The following TADA2A variants were observed in gnomAD, a reference collection of about 807,000 sequenced individuals.
TADA2A encodes transcriptional adapter 2-alpha.
TADA2A carries 38 observed loss-of-function variants against 67.4 expected under a neutral mutation model. The ratio of observed to expected loss-of-function variants is 0.56; its 90% CI spans 0.44 to 0.74. The LOEUF is 0.74. Ranked by LOEUF, TADA2A falls within the 30% of genes least tolerant of loss-of-function variation. The pLI, the probability that TADA2A is intolerant of heterozygous loss-of-function variation, is 0.00. For synonymous variants in TADA2A, 192 were observed against 181.6 expected (o/e 1.06, Z -0.46); for missense variants, 454 against 547.0 (o/e 0.83, Z 1.70).
rs1242194546 is a variant in TADA2A, at chr17:37,471,153, G to A, written c.1072+16G>A. 6.2e-7 allele frequency: 1 copy of A among 1,613,310 alleles called. No individual in the cohort carries two copies. Among genetic ancestry groups the A allele is most frequent in the Non-Finnish European group, 8.5e-7 (1 of 1,179,558 alleles). ...TCGAATTCAGGTAATTATTTCTCAG[G>A]CCAGAACAAGTCTTAATTGTGAAGT... On this transcript the variant is annotated intron_variant, in intron 14 of 15. Transcript: ENST00000615182.
chr17:37,411,459 G>C, intron 2 of TADA2A, 69 bp downstream of exon 2: 2 of 1,446,622 alleles, frequency 1.4e-6, no homozygotes, highest in Non-Finnish European at 1.9e-6. Context: ...CTCTCCCTCT[G>C]TTGCCCAGGC....
chr17:37,449,487 T>C (rs1353490891), intron 8 of TADA2A, among the ~76,000 whole-genome samples: 2 of 152,226 alleles, frequency 1.3e-5, no homozygotes, highest in African/African-American at 4.8e-5. Flanking sequence ...ATCCTCATTT[T>C]TGTGGATGAG....
chr17:37,409,277 G>C (rs929608931), intron 1 of TADA2A, among the ~76,000 whole-genome samples: 2 of 151,710 alleles, frequency 1.3e-5, no homozygotes, highest in African/African-American at 4.8e-5. Context: ...TGGTAGAGAC[G>C]GGGTTCTCAC....
chr17:37,438,680 A>G (rs932704680), intron 5 of TADA2A, among the ~76,000 whole-genome samples: 11 of 152,220 alleles, frequency 7.2e-5, no homozygotes, highest in Admixed American at 5.9e-4. Context: ...TTCAGTATTT[A>G]TTAAGCATCA....
intron 3 of TADA2A, 61 bp downstream of exon 3, chr17:37,423,676 T>C: frequency 8.0e-7 from 1 of 1,251,798 alleles, no homozygotes. Context: ...TGATGTAATA[T>C]TTCGGAGATT....
At position 37,470,485 on chromosome 17, in the gene TADA2A, C is replaced by T; in HGVS notation, c.981C>T (p.Ile327=). The T allele has an allele frequency of 6.2e-7, 1 of 1,609,392 alleles. No homozygotes were observed. The highest frequency in any genetic ancestry group is 8.5e-7 in the Non-Finnish European group (1 of 1,178,534). The part of the protein sequence containing the change: ...RTMLSEVLQY[I]QDSSACQQWL... ...TGCTCTCAGAAGTTCTCCAGTATAT[C>T]CAGGACAGTAGTGCTTGCCAGCAGT... Residue 327 remains isoleucine (I), a synonymous_variant, in exon 13 of 16, where the codon ATC becomes ATT. Coordinates refer to ENST00000615182, the MANE Select transcript of TADA2A (RefSeq NM_001166105.3).
chr17:37,412,244 G>A (rs953069728), intron 2 of TADA2A, among the ~76,000 whole-genome samples: 10 of 151,224 alleles, frequency 6.6e-5, no homozygotes. Context: ...AGAAAATGAG[G>A]CTGAGATGGA....
Position 37,477,255 on chromosome 17 carries a change from A to G in TADA2A, c.*273A>G, listed in dbSNP as rs1308806744. ...TCATTCCTAACACCTCTTGTAACTA[A>G]AAGAACCATAGTACCTCACATCACA... On this transcript the variant is annotated 3_prime_UTR_variant, in exon 16 of 16. Coordinates refer to ENST00000615182, the MANE Select transcript of TADA2A (RefSeq NM_001166105.3). 5.6e-6 allele frequency: 2 copies of G among 360,180 alleles called. No homozygotes were observed. The highest frequency in any genetic ancestry group is 8.6e-5 in the East Asian group (2 of 23,286). The allele number at this position is 360,180 out of a possible 1,614,324, so 22.3% of individuals were successfully genotyped here.
chr17:37,460,073 A>G (rs569809135), intron 9 of TADA2A, among the ~76,000 whole-genome samples: 77 of 150,882 alleles, frequency 5.1e-4, no homozygotes, highest in African/African-American at 1.8e-3. Context: ...CTCAAAAAAG[A>G]AAAAAAACCT....
chr17:37,460,065 C>CA (rs1252052982), intron 9 of TADA2A, among the ~76,000 whole-genome samples: 1 of 143,356 alleles, frequency 7.0e-6, no homozygotes, highest in Non-Finnish European at 1.5e-5. Context: ...GACTCCGTCT[C>CA]AAAAAAGAAA....
At position 37,476,957 on chromosome 17, in the gene TADA2A, G is replaced by A. The variant is rs2053904386; in HGVS notation, c.1307G>A (p.Arg436Lys). 6.2e-7 allele frequency: 1 copy of A among 1,613,468 alleles called. No individual in the cohort carries two copies. The highest frequency in any genetic ancestry group is 1.1e-5 in the South Asian group (1 of 91,036). ...KTRKIYDFLI[R>K]EGYITKG The stretch of plus-strand genomic sequence containing the variant: ...CGGAAAATCTATGATTTCCTCATCA[G>A]AGAAGGATACATCACTAAAGGCTAA... Residue 436 changes from arginine to lysine, a missense_variant, in exon 16 of 16, where the codon AGA becomes AAA. This residue lies in a region of TADA2A where 51 missense variants were observed against 91.5 expected (regional missense o/e 0.56). Coordinates refer to ENST00000615182, the MANE Select transcript of TADA2A (RefSeq NM_001166105.3).
intron 7 of TADA2A, 25 bp from the exon 8 acceptor site, chr17:37,444,671 G>A (rs1480912972): frequency 1.1e-5 from 18 of 1,607,072 alleles, no homozygotes; most frequent in Non-Finnish European, 1.4e-5. Flanking sequence ...GTTTGGGGTG[G>A]GGATTTTTTT....
intron 5 of TADA2A, among the ~76,000 whole-genome samples, chr17:37,438,688 T>C (rs1391533465): frequency 6.6e-6 from 1 of 152,226 alleles, no homozygotes; most frequent in Non-Finnish European, 1.5e-5. Context: ...TTATTAAGCA[T>C]CATAAAATAC....
At chr17:37,422,807 GATT>G (rs2052286348) in intron 2 of TADA2A, among the ~76,000 whole-genome samples, 1 of 152,144 alleles carries the variant, frequency 6.6e-6, no homozygotes, top group Non-Finnish European at 1.5e-5. Context: ...GGCCTACAGT[GATT>G]ATTTATATGC....
chr17:37,411,033 A>T (rs1240834209), intron 1 of TADA2A, among the ~76,000 whole-genome samples: 1 of 152,208 alleles, frequency 6.6e-6, no homozygotes, highest in Non-Finnish European at 1.5e-5. Context: ...ACCAGGTACC[A>T]TGCTACATTA....
chr17:37,424,869 T>A (rs2052357215), intron 3 of TADA2A, among the ~76,000 whole-genome samples: 1 of 151,852 alleles, frequency 6.6e-6, no homozygotes, highest in Admixed American at 6.6e-5. Flanking sequence ...TTTTTCTTTT[T>A]TTTCTTTTCC....
chr17:37,461,190 C>T (rs2053538982), intron 9 of TADA2A, among the ~76,000 whole-genome samples: 1 of 152,020 alleles, frequency 6.6e-6, no homozygotes, highest in Admixed American at 6.6e-5. Context: ...CATCCTAGAT[C>T]CTCCACGTGA....
At chr17:37,448,753 T>C (rs2053151925) in intron 8 of TADA2A, among the ~76,000 whole-genome samples, 1 of 152,232 alleles carries the variant, frequency 6.6e-6, no homozygotes, top group Non-Finnish European at 1.5e-5. Flanking sequence ...GTGTTGGGTC[T>C]GTGTTTCCAG....
chr17:37,435,542 C>G (rs563337974), intron 4 of TADA2A, among the ~76,000 whole-genome samples: 8 of 152,234 alleles, frequency 5.3e-5, no homozygotes, highest in Admixed American at 1.3e-4. Flanking sequence ...CCCGCCTTGG[C>G]CTCTCAAAGT....
Sources: allele counts gnomAD v4.1 joint callset (sites outside exome capture counted in the v4.1 genomes callset), GRCh38; gene constraint gnomAD v4.1.1; regional missense constraint gnomAD v4.1.1; transcripts MANE v1.5; gene names NCBI Gene and HGNC (gene_info 2026-07-23, HGNC 2026-07-21).